The following ATG16L2 variants were observed in gnomAD, a reference collection of about 807,000 sequenced individuals.
The protein encoded by ATG16L2 is autophagy related 16 like 2, also known as protein Atg16l2.
A neutral mutation model predicts 84.7 loss-of-function variants in ATG16L2; 77 were observed. The ratio of observed to expected loss-of-function variants is 0.91; its 90% CI spans 0.76 to 1.10. ATG16L2 has a LOEUF of 1.10. Among genes scored for constraint, ATG16L2 ranks in the 50% least tolerant of loss-of-function variants. The pLI is 0.00. For synonymous variants in ATG16L2, 361 were observed against 342.8 expected, an observed-to-expected ratio of 1.05 and a Z score of -0.59; for missense variants, 782 against 817.6, an observed-to-expected ratio of 0.96 and a Z score of 0.53.
chr11:72,821,495 C>A, intron 3 of ATG16L2, 173 bp from the exon 4 acceptor site: 1 of 1,417,782 alleles, frequency 7.1e-7, no homozygotes, highest in Non-Finnish European at 9.2e-7. Flanking sequence ...TTCCACTGCT[C>A]CACAAACAGC....
At chr11:72,821,577 G>A (rs1205425526) in intron 3 of ATG16L2, 91 bp from the exon 4 acceptor site, 5 of 1,492,370 alleles carry the variant, frequency 3.4e-6, no homozygotes, top group Non-Finnish European at 4.4e-6. Flanking sequence ...GCGGGCAGGT[G>A]AGCAGCCGAC....
intron 17 of ATG16L2, 144 bp from the exon 18 acceptor site, chr11:72,829,159 C>A: frequency 9.0e-7 from 1 of 1,111,654 alleles, no homozygotes. Flanking sequence ...CCATCCTTTC[C>A]ACAGCCCTGT....
At chr11:72,836,428 T>TC (rs1860728927) in intron 5 of ATG16L2, among the ~76,000 whole-genome samples, 1 of 152,204 alleles carries the variant, frequency 6.6e-6, no homozygotes, top group Non-Finnish European at 1.5e-5. Context: ...CAGAGCTCCC[T>TC]CCTCAGCTGC....
downstream of ATG16L2, among the ~76,000 whole-genome samples, chr11:72,833,933 T>A (rs1462426622): frequency 0.013 from 464 of 36,336 alleles, 3 homozygotes; most frequent in African/African-American, 0.031. Flanking sequence ...AAAAAAAAAA[T>A]TTTTTTTTTT....
chr11:72,815,815 C>T (rs898875221), intron 1 of ATG16L2: 2 of 152,082 alleles, frequency 1.3e-5, no homozygotes, highest in Non-Finnish European at 2.9e-5. Flanking sequence ...TACCACCCCA[C>T]CCTCCCCTGG....
rs771836595 is a variant in ATG16L2 at position 72,822,214 on chromosome 11, C to G, written c.563C>G (p.Ala188Gly). The G allele has an allele frequency of 1.4e-4, 214 of 1,504,860 alleles. No homozygotes were observed. The highest frequency in any genetic ancestry group is 1.7e-4 in the Non-Finnish European group (195 of 1,136,526). 93.2% of individuals were successfully genotyped at this position (1,504,860 alleles called of 1,614,324 possible). A position where few individuals can be genotyped will look rare whatever the true frequency, so the allele number is the denominator to read the frequency against. Residue 188 changes from alanine (A) to glycine (G), a missense_variant, in exon 5 of 18, where the codon GCG (alanine) becomes GGG (glycine). Coordinates refer to ENST00000321297, the MANE Select transcript of ATG16L2 (RefSeq NM_033388.2). This position sits in a 1 kb window ranked among gnomAD's most constrained non-coding sequence, Gnocchi z 4.2. ...GCACTGCGCAGGCTCCAGGAAGAGG[C>G]GCGCGACCTGCTGGAGAGGCTCGTG... ...EAALRRLQEEARDLLERLVQR... is the reference protein window; with the variant it reads ...EAALRRLQEEGRDLLERLVQR...
rs1295960216 is a variant in ATG16L2 at position 72,822,457 on chromosome 11, G to C, written c.645-21G>C. 6.2e-7 allele frequency: 1 copy of C among 1,612,750 alleles called. No individual in the cohort carries two copies. The highest frequency in any genetic ancestry group is 8.5e-7 in the Non-Finnish European group (1 of 1,179,456). ...TGCGAGGCGCCGCGCCAGGGTCTCA[G>C]GATGCTTTTTACCCAACAAGGGCCA... is the stretch of plus-strand genomic sequence containing the variant. On this transcript the variant is annotated intron_variant, in intron 5 of 17. Coordinates refer to ENST00000321297, the MANE Select transcript of ATG16L2 (RefSeq NM_033388.2). The surrounding 1 kb of genome is among the most constrained non-coding windows in gnomAD (Gnocchi z 4.2).
At chr11:72,830,258 A>ATTTT (rs201873625), downstream of ATG16L2, among the ~76,000 whole-genome samples, 1,885 of 152,204 alleles carry the variant, frequency 0.012, 23 homozygotes, top group Non-Finnish European at 0.019. Context: ...TGTTGGTTAA[A>ATTTT]TGGCAACACC....
rs556744605 is a variant in ATG16L2, at chr11:72,825,516, G to C, written c.1102+109G>C. 95 of 841,316 alleles carry C rather than the reference G, an allele frequency of 1.1e-4. No individual in the cohort carries two copies. The Middle Eastern group carries it at 3.8e-3, about 34-fold the overall frequency. The allele number at this position is 841,316 out of a possible 1,614,324, so 52.1% of individuals were successfully genotyped here. A position where few individuals can be genotyped will look rare whatever the true frequency, so the allele number is the denominator to read the frequency against. On this transcript the variant is annotated intron_variant, in intron 10 of 17. Transcript: ENST00000321297. ...GGATCTCTTTGTGTTTCTCTATCTGGAATATTCTGTGGGCAGTGACTAGAC... is the reference window on the plus strand; with the variant it reads ...GGATCTCTTTGTGTTTCTCTATCTGCAATATTCTGTGGGCAGTGACTAGAC...
chr11:72,815,139 G>A (rs548973197), intron 1 of ATG16L2, among the ~76,000 whole-genome samples: 2 of 152,350 alleles, frequency 1.3e-5, no homozygotes, highest in African/African-American at 4.8e-5. Context: ...GTGGATGCTG[G>A]CTGAGCCCAG....
At chr11:72,831,466 T>C (rs1368673219), downstream of ATG16L2, among the ~76,000 whole-genome samples, 2 of 152,204 alleles carry the variant, frequency 1.3e-5, no homozygotes, top group African/African-American at 4.8e-5. Flanking sequence ...GAATGCGCCA[T>C]TGCACTCTAG....
chr11:72,823,015 C>A, intron 7 of ATG16L2, 54 bp downstream of exon 7: 1 of 1,287,574 alleles, frequency 7.8e-7, no homozygotes, highest in Non-Finnish European at 1.1e-6. Flanking sequence ...ACCCCAGAGG[C>A]TGCCAGGGTC....
rs1444911780 is a variant in ATG16L2 at position 72,829,319 on chromosome 11, G to A, written c.1789G>A (p.Val597Met). The A allele has an allele frequency of 3.7e-6, 6 of 1,613,158 alleles. No homozygotes were observed. The highest frequency in any genetic ancestry group is 1.7e-5 in the Admixed American group (1 of 60,026). The change falls in exon 18 of 18, where the codon GTG becomes ATG. Residue 597 changes from valine (V) to methionine (M), a missense_variant. Val to Met is a conservative substitution (Grantham distance 21, BLOSUM62 1). Coordinates refer to ENST00000321297, the MANE Select transcript of ATG16L2 (RefSeq NM_033388.2). ...QGPHCAAVNA[V>M]AWCYSGSHMV... ...TTTCCCCAGCGCTGCCGTCAACGCC[G>A]TGGCCTGGTGCTACTCCGGGAGCCA...
At chr11:72,823,112 A>C (rs1591304757) in intron 7 of ATG16L2, 151 bp downstream of exon 7, 1 of 593,018 alleles carries the variant, frequency 1.7e-6, no homozygotes, top group Middle Eastern at 4.5e-4. Flanking sequence ...GGCTAGTCTG[A>C]CCTCCATTGT....
In ATG16L2 at chr11:72,822,186, G is replaced by C; in HGVS notation, c.535G>C (p.Ala179Pro). The change falls in exon 5 of 18, where the codon GCG becomes CCG. Residue 179 changes from alanine to proline, a missense_variant. Transcript: ENST00000321297. The surrounding 1 kb of genome is among the most constrained non-coding windows in gnomAD (Gnocchi z 4.2). ...GCGCGCGCACGTCGGGCTCCGGGAG[G>C]CGGCACTGCGCAGGCTCCAGGAAGA... ...ALRAHVGLRE[A>P]ALRRLQEEAR... The C allele has an allele frequency of 6.7e-7, 1 of 1,500,304 alleles. No homozygotes were observed. Among genetic ancestry groups the C allele is most frequent in the Non-Finnish European group, 8.8e-7 (1 of 1,134,508 alleles). 92.9% of individuals were successfully genotyped at this position (1,500,304 alleles called of 1,614,324 possible).
At chr11:72,818,190 C>T (rs1859797030) in intron 3 of ATG16L2, 1 of 283,950 alleles carries the variant, frequency 3.5e-6, no homozygotes, top group Admixed American at 4.7e-5. Flanking sequence ...CCAGTTGATG[C>T]TCAATATACA....
At chr11:72,825,257 C>T in intron 9 of ATG16L2, 45 bp from the exon 10 acceptor site, 3 of 1,495,744 alleles carry the variant, frequency 2.0e-6, no homozygotes, top group Non-Finnish European at 2.8e-6. Flanking sequence ...CTCACAGAGA[C>T]ATGCGCGGGG....
At chr11:72,842,305 C>T (rs1347594053) in intron 5 of ATG16L2, among the ~76,000 whole-genome samples, 1 of 152,234 alleles carries the variant, frequency 6.6e-6, no homozygotes, top group Non-Finnish European at 1.5e-5. Flanking sequence ...CAGAGCAACG[C>T]CTTCCCTCTT....
chr11:72,836,043 C>T (rs1860720013), intron 5 of ATG16L2, among the ~76,000 whole-genome samples: 1 of 152,238 alleles, frequency 6.6e-6, no homozygotes, highest in African/African-American at 2.4e-5. Flanking sequence ...CCACTGCGCC[C>T]GGCTGAACAC....
Sources: gnomAD v4.1 joint callset for allele counts (sites outside exome capture counted in the v4.1 genomes callset) on GRCh38, gnomAD v4.1.1 for gene constraint, Gnocchi (gnomAD v3.1) non-coding constraint, MANE v1.5 for transcripts, NCBI Gene and HGNC (gene_info 2026-07-23, HGNC 2026-07-21) for gene names.